Variants in LRAT observed in about 807,000 individuals in gnomAD.
The protein encoded by LRAT is lecithin retinol acyltransferase (phosphatidylcholine--retinol O-acyltransferase).
A neutral mutation model predicts 14.2 loss-of-function variants in LRAT; 11 were observed. That is an observed-to-expected ratio of 0.78 (90% CI 0.49 to 1.29). The LOEUF is 1.29. Among genes scored for constraint, LRAT ranks in the 50% most tolerant of loss-of-function variants. The pLI is 0.00. For missense variants in LRAT, 274 were observed against 292.4 expected (o/e 0.94, Z 0.46); for synonymous variants, 144 against 124.8 (o/e 1.15, Z -1.03).
chr4:154,743,153 C>G (rs989687959), upstream of LRAT, among the ~76,000 whole-genome samples: 3 of 138,006 alleles, frequency 2.2e-5, no homozygotes, highest in Non-Finnish European at 4.7e-5. Context: ...TACACACACA[C>G]CCTCGCGCCG....
chr4:154,749,241 C>A lies in LRAT; in HGVS notation c.*105C>A. On this transcript the variant is annotated 3_prime_UTR_variant, in exon 3 of 3. Transcript: ENST00000336356. The stretch of plus-strand genomic sequence containing the variant: ...ATTGAGAAAAATGTGACCCGTAACA[C>A]TGTGTTCTGGATAAAAATGTGATTA... The A allele has an allele frequency of 8.0e-7, 1 of 1,248,092 alleles. No individual in the cohort carries two copies. The highest frequency in any genetic ancestry group is 1.2e-6 in the Non-Finnish European group (1 of 853,938). The allele number at this position is 1,248,092 out of a possible 1,614,324, so 77.3% of individuals were successfully genotyped here.
intron 2 of LRAT, chr4:154,748,406 C>A: frequency 1.0e-6 from 1 of 988,720 alleles, no homozygotes; most frequent in East Asian, 1.1e-4. Flanking sequence ...CAATATTTGT[C>A]TTTTTTTCCA....
In LRAT at chr4:154,744,036, C is replaced by T. The variant is rs1732821586; in HGVS notation, c.-188C>T. 2 of 475,810 alleles carry T rather than the reference C, an allele frequency of 4.2e-6. No homozygotes were observed. Among genetic ancestry groups the T allele is most frequent in the Non-Finnish European group, 7.7e-6 (2 of 259,244 alleles). The allele number at this position is 475,810 out of a possible 1,614,324, so 29.5% of individuals were successfully genotyped here. The stretch of plus-strand genomic sequence containing the variant: ...GCGGCCCTGCCCCCGGCACGGCCCC[C>T]AGGTGCGCTCCTTCTCCGGCTGCTT... On this transcript the variant is annotated 5_prime_UTR_variant, in exon 1 of 3. Coordinates refer to ENST00000336356, the MANE Select transcript of LRAT (RefSeq NM_004744.5).
chr4:154,744,516 T>C lies in LRAT; in HGVS notation c.190T>C (p.Tyr64His), dbSNP rs1417030380. Residue 64 changes from tyrosine (Y) to histidine (H), a missense_variant, in exon 2 of 3, where the codon TAC (tyrosine) becomes CAC (histidine). Physicochemically the swap from Tyr to His is moderately conservative, Grantham distance 83. Coordinates refer to ENST00000336356, the MANE Select transcript of LRAT (RefSeq NM_004744.5). Reference protein sequence around the residue: ...PRTHLTHYGIYLGDNRVAHMM... With the variant: ...PRTHLTHYGIHLGDNRVAHMM... ...GACCCACCTGACCCACTATGGCATC[T>C]ACCTAGGAGACAACCGTGTTGCCCA... The C allele has an allele frequency of 1.2e-6, 2 of 1,613,980 alleles. No homozygotes were observed. Among genetic ancestry groups the C allele is most frequent in the Non-Finnish European group, 1.7e-6 (2 of 1,179,914 alleles).
In LRAT at chr4:154,744,593, G is replaced by A; in HGVS notation, c.267G>A (p.Gln89=). Residue 89 remains glutamine (Q), a synonymous_variant, in exon 2 of 3, where the codon CAG becomes CAA. Coordinates refer to ENST00000336356, the MANE Select transcript of LRAT (RefSeq NM_004744.5). ...LALTDDMGRT[Q]KVVSNKRLIL... The stretch of plus-strand genomic sequence containing the variant: ...TGACAGACGACATGGGGCGCACGCA[G>A]AAGGTGGTCTCCAACAAGCGTCTCA... The A allele has an allele frequency of 1.9e-6, 3 of 1,614,174 alleles. No homozygotes were observed. Among genetic ancestry groups the A allele is most frequent in the Non-Finnish European group, 2.5e-6 (3 of 1,180,038 alleles).
chr4:154,752,456 G>A lies in LRAT; in HGVS notation c.*3320G>A, dbSNP rs1030964123. The A allele has an allele frequency of 2.6e-5, 4 of 152,184 alleles. No homozygotes were observed. Among genetic ancestry groups the A allele is most frequent in the African/African-American group, 4.8e-5 (2 of 41,442 alleles). The allele number at this position is 152,184 out of a possible 1,614,324, so 9.4% of individuals were successfully genotyped here. A position where few individuals can be genotyped will look rare whatever the true frequency, so the allele number is the denominator to read the frequency against. ...AAAGGAAAGCAATGGTCTGGTACAA[G>A]TCTTGTATAGAACAAGAAGTTTAGA... On this transcript the variant is annotated 3_prime_UTR_variant, in exon 3 of 3. Coordinates refer to ENST00000336356, the MANE Select transcript of LRAT (RefSeq NM_004744.5).
upstream of LRAT, among the ~76,000 whole-genome samples, chr4:154,742,102 C>G (rs1043600768): frequency 6.6e-6 from 1 of 152,116 alleles, no homozygotes; most frequent in African/African-American, 2.4e-5. Context: ...CAGACTCCCC[C>G]GATTTTAGCG....
chr4:154,743,324 G>C (rs1425673001), upstream of LRAT, among the ~76,000 whole-genome samples: 1 of 151,900 alleles, frequency 6.6e-6, no homozygotes, highest in Non-Finnish European at 1.5e-5. Flanking sequence ...AACATGGTGA[G>C]ACCCCGTGTC....
intron 2 of LRAT, among the ~76,000 whole-genome samples, chr4:154,747,587 T>C (rs1217341548): frequency 2.6e-5 from 4 of 152,158 alleles, no homozygotes; most frequent in Non-Finnish European, 5.9e-5. Context: ...AGTTGCTTTT[T>C]GAGAAAAATC....
rs1305568835 is a variant in LRAT, at chr4:154,751,159, G to C, written c.*2023G>C. ...TATATACAGTGCTGTGGGAATACAGGGGAAGAAGCAATTAAATCTGCTAGA... is the reference window on the plus strand; with the variant it reads ...TATATACAGTGCTGTGGGAATACAGCGGAAGAAGCAATTAAATCTGCTAGA... On this transcript the variant is annotated 3_prime_UTR_variant, in exon 3 of 3. Coordinates refer to ENST00000336356, the MANE Select transcript of LRAT (RefSeq NM_004744.5). The C allele has an allele frequency of 6.6e-6, 1 of 152,116 alleles. No homozygotes were observed. Among genetic ancestry groups the C allele is most frequent in the Non-Finnish European group, 1.5e-5 (1 of 68,026 alleles). The allele number at this position is 152,116 out of a possible 1,614,324, so 9.4% of individuals were successfully genotyped here.
At chr4:154,742,787 G>A (rs1169217904), upstream of LRAT, among the ~76,000 whole-genome samples, 3 of 152,066 alleles carry the variant, frequency 2.0e-5, no homozygotes, top group Non-Finnish European at 4.4e-5. Context: ...CAGGCGCACG[G>A]GCAAAGAACT....
At chr4:154,741,364 G>C (rs1336500204), upstream of LRAT, among the ~76,000 whole-genome samples, 1 of 152,124 alleles carries the variant, frequency 6.6e-6, no homozygotes, top group Non-Finnish European at 1.5e-5. Context: ...TCGGGCTGTC[G>C]CTTCCGGAAG....
rs1732944809 is a variant in LRAT, at chr4:154,749,361, G to T, written c.*225G>T. 2 of 528,232 alleles carry T rather than the reference G, an allele frequency of 3.8e-6. No individual in the cohort carries two copies. The highest frequency in any genetic ancestry group is 4.2e-5 in the South Asian group (2 of 47,860). 32.7% of individuals were successfully genotyped at this position (528,232 alleles called of 1,614,324 possible). The stretch of plus-strand genomic sequence containing the variant: ...GATTTAAAGCACCATCCAAACCTTG[G>T]AAATACGACAGGGTGTGGTAGAATT... On this transcript the variant is annotated 3_prime_UTR_variant, in exon 3 of 3. Transcript: ENST00000336356.
chr4:154,746,546 C>T (rs1169701476), intron 2 of LRAT, among the ~76,000 whole-genome samples: 1 of 152,126 alleles, frequency 6.6e-6, no homozygotes, highest in Non-Finnish European at 1.5e-5. Context: ...ATGAACTCCA[C>T]CACATTTACA....
Position 154,749,146 on chromosome 4 carries a change from C to A in LRAT, c.*10C>A, listed in dbSNP as rs769866375. On this transcript the variant is annotated 3_prime_UTR_variant, in exon 3 of 3. Transcript: ENST00000336356. ...ATGGATGGCTGGCTAACTTCATACCCCCATGTCAGTGTGTGTATTCTGTAT... is the reference window on the plus strand; with the variant it reads ...ATGGATGGCTGGCTAACTTCATACCACCATGTCAGTGTGTGTATTCTGTAT... The A allele has an allele frequency of 6.2e-7, 1 of 1,611,634 alleles. No homozygotes were observed. The highest frequency in any genetic ancestry group is 8.5e-7 in the Non-Finnish European group (1 of 1,177,936).
upstream of LRAT, chr4:154,740,852 C>T (rs961237245): frequency 6.6e-6 from 1 of 152,262 alleles, no homozygotes; most frequent in Non-Finnish European, 1.5e-5. Flanking sequence ...AATGTAGCCA[C>T]CTTTCTTAAC....
rs1560873391 is a variant in LRAT at position 154,749,618 on chromosome 4, CA to C, written c.*488del. ...AATGAAAACATGTTTGATGACTGGT[CA>C]AAAAATAAGCTCATAATCTATTTTT... On this transcript the variant is annotated 3_prime_UTR_variant, in exon 3 of 3. Coordinates refer to ENST00000336356, the MANE Select transcript of LRAT (RefSeq NM_004744.5). The C allele has an allele frequency of 6.5e-6, 1 of 154,958 alleles. No homozygotes were observed. 9.6% of individuals were successfully genotyped at this position (154,958 alleles called of 1,614,324 possible).
chr4:154,745,857 G>C (rs1276095915), intron 2 of LRAT, among the ~76,000 whole-genome samples: 4 of 152,116 alleles, frequency 2.6e-5, no homozygotes, highest in Non-Finnish European at 5.9e-5. Context: ...GGTTGGCTTT[G>C]ATCCTCATCT....
chr4:154,748,632 C>A (rs950323319), intron 2 of LRAT, among the ~76,000 whole-genome samples: 5 of 152,028 alleles, frequency 3.3e-5, no homozygotes, highest in Admixed American at 3.3e-4. Flanking sequence ...ATTAGAGACA[C>A]CTCTTTGCTC....
Sources: gnomAD v4.1 joint callset for allele counts (sites outside exome capture counted in the v4.1 genomes callset) on GRCh38, gnomAD v4.1.1 for gene constraint, MANE v1.5 for transcripts, NCBI Gene and HGNC (gene_info 2026-07-23, HGNC 2026-07-21) for gene names.